QKI: variants seen among roughly 807,000 people sequenced by gnomAD.
QKI encodes the protein KH domain-containing RNA-binding protein QKI.
A neutral mutation model predicts 39.0 loss-of-function variants in QKI; 10 were observed. The observed-to-expected ratio is 0.26, with a 90% CI of 0.16 to 0.43. The LOEUF is 0.43. Among genes scored for constraint, QKI ranks in the 20% least tolerant of loss-of-function variants. QKI has a pLI of 1.00. For missense variants in QKI, 218 were observed against 428.0 expected (o/e 0.51, Z 4.33); for synonymous variants, 204 against 155.4 (o/e 1.31, Z -2.33).
At chr6:163,432,213 C>G (rs1415410524) in intron 1 of QKI, among the ~76,000 whole-genome samples, 2 of 152,098 alleles carry the variant, frequency 1.3e-5, no homozygotes, top group Non-Finnish European at 2.9e-5. Flanking sequence ...TACAATCAAG[C>G]ATCTAATGCA....
chr6:163,420,474 AT>A (rs2128207177), intron 1 of QKI, among the ~76,000 whole-genome samples: 1 of 152,256 alleles, frequency 6.6e-6, no homozygotes, highest in South Asian at 2.1e-4. Context: ...GTCAGCTGTT[AT>A]GAACATATCC....
chr6:163,556,905 A>AT (rs1029566705), intron 4 of QKI, among the ~76,000 whole-genome samples: 7 of 152,226 alleles, frequency 4.6e-5, no homozygotes, highest in African/African-American at 1.7e-4. Flanking sequence ...TTGTGCTTTA[A>AT]TAATCTTTCC....
chr6:163,426,243 C>CT (rs1301275880), intron 1 of QKI, among the ~76,000 whole-genome samples: 5,209 of 137,882 alleles, frequency 0.038, 268 homozygotes, highest in African/African-American at 0.12. Flanking sequence ...AGAACCATCT[C>CT]TTTTTTTTTT....
chr6:163,449,874 A>C (rs1334234730), intron 1 of QKI, among the ~76,000 whole-genome samples: 1 of 151,966 alleles, frequency 6.6e-6, no homozygotes, highest in Non-Finnish European at 1.5e-5. Context: ...TTCTCACCCC[A>C]TATTTTTTTA....
chr6:163,423,506 G>A (rs919700819), intron 1 of QKI: 3 of 152,228 alleles, frequency 2.0e-5, no homozygotes, highest in South Asian at 4.1e-4. Flanking sequence ...ATTTTGTGGC[G>A]TGCCTCTCCA....
intron 2 of QKI, among the ~76,000 whole-genome samples, chr6:163,475,689 G>C (rs1489446594): frequency 6.6e-6 from 1 of 152,188 alleles, no homozygotes; most frequent in East Asian, 1.9e-4. Context: ...GGATATTCAT[G>C]TGAGAGAAGA....
At chr6:163,547,043 C>A (rs964057202) in intron 4 of QKI, among the ~76,000 whole-genome samples, 1 of 151,934 alleles carries the variant, frequency 6.6e-6, no homozygotes, top group Non-Finnish European at 1.5e-5. Flanking sequence ...TTTTTAGTAA[C>A]CTTCTTTGTA....
intron 3 of QKI, among the ~76,000 whole-genome samples, chr6:163,484,651 A>G (rs2759381): frequency 1.3e-5 from 2 of 151,994 alleles, no homozygotes; most frequent in Admixed American, 1.3e-4. Context: ...CTCTCTAGCT[A>G]TGAAAGTTTT....
intron 3 of QKI, among the ~76,000 whole-genome samples, chr6:163,511,523 G>A (rs1779477968): frequency 6.6e-6 from 1 of 151,906 alleles, no homozygotes; most frequent in South Asian, 2.1e-4. Flanking sequence ...AGACATCACT[G>A]TCGATCATAT....
intron 3 of QKI, among the ~76,000 whole-genome samples, chr6:163,479,997 A>T: frequency 6.6e-6 from 1 of 152,134 alleles, no homozygotes; most frequent in South Asian, 2.1e-4. Flanking sequence ...ATTTTAAAGT[A>T]TATTGTTTCT....
At chr6:163,529,148 A>C (rs762901162) in intron 3 of QKI, among the ~76,000 whole-genome samples, 11 of 152,180 alleles carry the variant, frequency 7.2e-5, no homozygotes, top group Non-Finnish European at 1.3e-4. Flanking sequence ...CAAGAAATGG[A>C]GTAAAAATTG....
At chr6:163,454,393 T>G (rs1280119753) in intron 1 of QKI, among the ~76,000 whole-genome samples, 1 of 152,170 alleles carries the variant, frequency 6.6e-6, no homozygotes, top group African/African-American at 2.4e-5. Context: ...TACTTCCTTT[T>G]TTATATTTAA....
At chr6:163,450,183 G>A (rs1202669623) in intron 1 of QKI, among the ~76,000 whole-genome samples, 4 of 151,988 alleles carry the variant, frequency 2.6e-5, no homozygotes, top group Non-Finnish European at 5.9e-5. Flanking sequence ...TCAGCCTCCC[G>A]AGTAGCTGGG....
chr6:163,563,619 G>T lies in QKI; in HGVS notation c.834G>T (p.Gly278=). 6.2e-7 allele frequency: 1 copy of T among 1,614,104 alleles called. No homozygotes were observed. The highest frequency in any genetic ancestry group is 8.5e-7 in the Non-Finnish European group (1 of 1,180,012). The change falls in exon 6 of 8, where the codon GGG becomes GGT. Residue 278 remains glycine (G), a synonymous_variant. Coordinates refer to ENST00000361752, the MANE Select transcript of QKI (RefSeq NM_006775.3). ...CAACTGCTGCAATAGTTCCTCCAGG[G>T]CCCGAAGCTGGTTTAATCTATACAC... The part of the protein sequence containing the change: ...PHPTAAIVPP[G]PEAGLIYTPY...
intron 2 of QKI, among the ~76,000 whole-genome samples, chr6:163,463,085 C>T (rs979074690): frequency 2.0e-5 from 3 of 152,138 alleles, no homozygotes; most frequent in Admixed American, 6.5e-5. Context: ...ATGATAAAAA[C>T]ACAACTGGAC....
intron 2 of QKI, among the ~76,000 whole-genome samples, chr6:163,468,855 A>G (rs1179268388): frequency 6.6e-6 from 1 of 152,196 alleles, no homozygotes; most frequent in Non-Finnish European, 1.5e-5. Context: ...ATGCAAGGCA[A>G]ACGATATTAA....
chr6:163,525,726 A>G (rs1780470428), intron 3 of QKI, among the ~76,000 whole-genome samples: 1 of 152,106 alleles, frequency 6.6e-6, no homozygotes, highest in South Asian at 2.1e-4. Context: ...TTGACTTTTA[A>G]GTATTGTATT....
At chr6:163,480,987 C>G (rs1486547256) in intron 3 of QKI, among the ~76,000 whole-genome samples, 2 of 152,170 alleles carry the variant, frequency 1.3e-5, no homozygotes, top group Non-Finnish European at 2.9e-5. Flanking sequence ...CAAGCCCTCA[C>G]AGACAATGAG....
At chr6:163,454,841 G>T (rs1422900184) in intron 1 of QKI, among the ~76,000 whole-genome samples, 1 of 152,110 alleles carries the variant, frequency 6.6e-6, no homozygotes, top group Non-Finnish European at 1.5e-5. Context: ...AATGGAAGTG[G>T]TCCCGTTTAA....
Sources: gnomAD v4.1 joint callset for allele counts (sites outside exome capture counted in the v4.1 genomes callset) on GRCh38, gnomAD v4.1.1 for gene constraint, MANE v1.5 for transcripts, NCBI Gene and HGNC (gene_info 2026-07-23, HGNC 2026-07-21) for gene names.